The following RIMS1 variants were observed in gnomAD, a reference collection of about 807,000 sequenced individuals.
RIMS1 encodes regulating synaptic membrane exocytosis protein 1.
RIMS1 carries 83 observed loss-of-function variants against 214.1 expected under a neutral mutation model. The ratio of observed to expected loss-of-function variants is 0.39; its 90% confidence interval spans 0.32 to 0.47. The LOEUF (loss-of-function observed/expected upper bound fraction) is 0.47. RIMS1 is among the 20% of genes least tolerant of loss of function. The probability of loss-of-function intolerance (pLI) is 0.99; values close to 1 mark genes in which losing one functional copy is unlikely to be tolerated. For synonymous variants in RIMS1, 793 were observed against 786.8 expected, an observed-to-expected ratio of 1.01 and a Z score of -0.13; for missense variants, 2,050 against 2,161.8, an observed-to-expected ratio of 0.95 and a Z score of 1.03.
At chr6:71,954,882 C>A (rs1790756186) in intron 1 of RIMS1, among the ~76,000 whole-genome samples, 1 of 151,516 alleles carries the variant, frequency 6.6e-6, no homozygotes, top group African/African-American at 2.4e-5. Context: ...CACACACACA[C>A]ACACACACAC....
At chr6:72,045,004 T>C (rs1356790533) in intron 2 of RIMS1, among the ~76,000 whole-genome samples, 4 of 151,930 alleles carry the variant, frequency 2.6e-5, no homozygotes, top group Non-Finnish European at 5.9e-5. Flanking sequence ...TCTATACTAC[T>C]ACTAGTAAGC....
intron 29 of RIMS1, among the ~76,000 whole-genome samples, chr6:72,339,341 G>T (rs1043830554): frequency 6.6e-6 from 1 of 151,860 alleles, no homozygotes; most frequent in Non-Finnish European, 1.5e-5. Flanking sequence ...GTGCAGGTTT[G>T]TTACATATGT....
intron 1 of RIMS1, among the ~76,000 whole-genome samples, chr6:71,945,934 G>A (rs924881540): frequency 2.0e-5 from 3 of 151,846 alleles, no homozygotes; most frequent in Admixed American, 2.0e-4. Context: ...ATTTTTTAGT[G>A]GAGATGGGGT....
intron 1 of RIMS1, among the ~76,000 whole-genome samples, chr6:71,931,003 G>T (rs890065324): frequency 6.6e-6 from 1 of 152,062 alleles, no homozygotes; most frequent in South Asian, 2.1e-4. Flanking sequence ...GCATATTATT[G>T]ACACTAGTGT....
At chr6:72,209,238 T>G (rs2053423248) in intron 6 of RIMS1, among the ~76,000 whole-genome samples, 2 of 152,350 alleles carry the variant, frequency 1.3e-5, no homozygotes, top group African/African-American at 4.8e-5. Flanking sequence ...TTTGAATCTT[T>G]TTTAACCTTT....
At chr6:72,313,377 A>T in intron 27 of RIMS1, 129 bp from the exon 28 acceptor site, 1 of 686,652 alleles carries the variant, frequency 1.5e-6, no homozygotes, top group Non-Finnish European at 2.4e-6. Flanking sequence ...GGATTATTTT[A>T]GATATTACAG....
rs192242281 is a variant in RIMS1 at position 72,037,226 on chromosome 6, A to G, written c.246-59723A>G. 3.1e-3 allele frequency among the ~76,000 whole-genome samples: 477 copies of G among 152,082 alleles called. 6 individuals carry two copies. Among genetic ancestry groups the G allele is most frequent in the Non-Finnish European group, 5.3e-3 (357 of 67,962 alleles). On this transcript the variant is annotated intron_variant, in intron 2 of 33. Coordinates refer to ENST00000521978, the MANE Select transcript of RIMS1 (RefSeq NM_014989.7). ...TTTAGCAGCTCGTGGGTGGGTGTTC[A>G]GGGAGCAGGTGGCACTGGGAGAAGG... is the stretch of plus-strand genomic sequence containing the variant.
At chr6:72,314,160 G>A (rs964423122) in intron 28 of RIMS1, among the ~76,000 whole-genome samples, 2 of 152,136 alleles carry the variant, frequency 1.3e-5, no homozygotes, top group Non-Finnish European at 2.9e-5. Flanking sequence ...TTTTGTTTAA[G>A]TCACCAGTAG....
At chr6:72,349,269 A>G (rs1476407509) in intron 29 of RIMS1, among the ~76,000 whole-genome samples, 1 of 152,064 alleles carries the variant, frequency 6.6e-6, no homozygotes, top group Non-Finnish European at 1.5e-5. Context: ...ATTCAAAGTC[A>G]GTGCCATAGG....
rs187642915 is a variant in RIMS1, at chr6:72,290,799, A to C, written c.3675A>C (p.Thr1225=). The change falls in exon 25 of 34, where the codon ACA becomes ACC. Residue 1225 remains threonine, a synonymous_variant. Coordinates refer to ENST00000521978, the MANE Select transcript of RIMS1 (RefSeq NM_014989.7). The part of the protein sequence containing the change: ...SRSSEHSSIR[T]LCSMHHLVPG... ...CGAGTGAGCACTCTAGTATCAGAAC[A>C]CTGTGTTCTATGCACCACCTTGTCC... 261 of 1,613,722 alleles carry C rather than the reference A, an allele frequency of 1.6e-4. 1 individual carries two copies. Among genetic ancestry groups the C allele is most frequent in the Non-Finnish European group, 3.4e-6 (4 of 1,179,786 alleles).
At chr6:72,394,611 A>G (rs1461180976) in intron 31 of RIMS1, among the ~76,000 whole-genome samples, 1 of 152,118 alleles carries the variant, frequency 6.6e-6, no homozygotes, top group African/African-American at 2.4e-5. Flanking sequence ...GGAAGCAATA[A>G]TTTTTGGAAG....
At chr6:72,184,043 G>T (rs2048757295) in intron 6 of RIMS1, among the ~76,000 whole-genome samples, 1 of 152,186 alleles carries the variant, frequency 6.6e-6, no homozygotes, top group Non-Finnish European at 1.5e-5. Context: ...CTCTTCCAGT[G>T]ATTTTAGTGT....
chr6:72,391,516 A>C (rs1205759575), intron 30 of RIMS1, among the ~76,000 whole-genome samples: 2 of 152,152 alleles, frequency 1.3e-5, no homozygotes, highest in East Asian at 1.9e-4. Flanking sequence ...ACCACATATA[A>C]ATTTTCCATA....
chr6:72,075,673 T>C (rs1436525894), intron 2 of RIMS1, among the ~76,000 whole-genome samples: 1 of 152,196 alleles, frequency 6.6e-6, no homozygotes, highest in African/African-American at 2.4e-5. Context: ...CACCAGCCCA[T>C]CTATAATTCT....
At chr6:72,105,106 T>A (rs2496544) in intron 4 of RIMS1, among the ~76,000 whole-genome samples, 4,067 of 152,122 alleles carry the variant, frequency 0.027, 70 homozygotes, top group Middle Eastern at 0.075. Context: ...AATTTTTTTT[T>A]AAATTTTTGT....
chr6:71,952,151 A>T (rs1017249631), intron 1 of RIMS1, among the ~76,000 whole-genome samples: 4 of 152,048 alleles, frequency 2.6e-5, no homozygotes, highest in African/African-American at 4.8e-5. Flanking sequence ...CCTACGTGGG[A>T]TTATTTATGG....
intron 31 of RIMS1, among the ~76,000 whole-genome samples, chr6:72,394,473 A>C (rs1472341124): frequency 1.3e-5 from 2 of 152,252 alleles, no homozygotes; most frequent in East Asian, 1.9e-4. Context: ...GTAGGAAGGC[A>C]GTGAAAGAGA....
intron 2 of RIMS1, among the ~76,000 whole-genome samples, chr6:72,094,184 G>C (rs916683334): frequency 1.3e-5 from 2 of 151,928 alleles, no homozygotes; most frequent in African/African-American, 2.4e-5. Flanking sequence ...AGCAAATATG[G>C]GTGTGTATTG....
intron 2 of RIMS1, among the ~76,000 whole-genome samples, chr6:71,978,862 G>A (rs72929584): frequency 1.3e-5 from 2 of 152,046 alleles, no homozygotes; most frequent in Non-Finnish European, 2.9e-5. Flanking sequence ...AAATGTTTTC[G>A]CATTTTAGAA....
Sources: gnomAD v4.1 joint callset for allele counts (sites outside exome capture counted in the v4.1 genomes callset) on GRCh38, gnomAD v4.1.1 for gene constraint, MANE v1.5 for transcripts, NCBI Gene and HGNC (gene_info 2026-07-23, HGNC 2026-07-21) for gene names.